The following RAPH1 variants were observed in gnomAD, a reference collection of about 807,000 sequenced individuals.
RAPH1 encodes ras-associated and pleckstrin homology domains-containing protein 1.
A neutral mutation model predicts 88.1 loss-of-function variants in RAPH1; 18 were observed. The observed-to-expected ratio is 0.20, with a 90% CI of 0.14 to 0.30. RAPH1 has a LOEUF of 0.30. Among genes scored for constraint, RAPH1 ranks in the 10% least tolerant of loss-of-function variants. The pLI is 1.00. For missense variants in RAPH1, 1,448 were observed against 1,543.2 expected, an observed-to-expected ratio of 0.94 and a Z score of 1.03; for synonymous variants, 587 against 559.0, an observed-to-expected ratio of 1.05 and a Z score of -0.71.
chr2:203,468,805 T>C (rs2098530723), intron 4 of RAPH1, among the ~76,000 whole-genome samples: 1 of 152,140 alleles, frequency 6.6e-6, no homozygotes, highest in Non-Finnish European at 1.5e-5. Flanking sequence ...AATAAAGAGC[T>C]AAGAGTGAGC....
chr2:203,530,454 C>T (rs1197521094), intron 1 of RAPH1, among the ~76,000 whole-genome samples: 1 of 152,192 alleles, frequency 6.6e-6, no homozygotes, highest in Non-Finnish European at 1.5e-5. Flanking sequence ...GTCCCATCTA[C>T]AGTCTTCAGG....
Position 203,444,865 on chromosome 2 carries a change from T to C in RAPH1, c.1776+3A>G, listed in dbSNP as rs1559447332. 18 of 1,611,898 alleles carry C rather than the reference T, an allele frequency of 1.1e-5. No homozygotes were observed. The highest frequency in any genetic ancestry group is 1.4e-5 in the Non-Finnish European group (16 of 1,179,438). On this transcript the variant is annotated splice_donor_region_variant and intron_variant, in intron 13 of 13. Transcript: ENST00000319170. ...TCAATGTAAATTAAAACGAAGCTGTTACCTTGCTGGACTCTTCCAACTGAG... is the reference window on the plus strand; with the variant it reads ...TCAATGTAAATTAAAACGAAGCTGTCACCTTGCTGGACTCTTCCAACTGAG...
rs558100191 is a variant in RAPH1 at position 203,444,463 on chromosome 2, AAGAC to A, written c.1776+401_1776+404del. On this transcript the variant is annotated intron_variant, in intron 13 of 13. Transcript: ENST00000319170. ...AAAAAAAAAAAAGGAAGAAGAAAAA[AAGAC>A]AGGAAAGAAGAGAGAGAACTGTAAA... The A allele has an allele frequency of 4.1e-4, 76 of 185,646 alleles. No homozygotes were observed. In the East Asian group the frequency reaches 6.1e-3, roughly 15 times the overall value. The allele number at this position is 185,646 out of a possible 1,614,324, so 11.5% of individuals were successfully genotyped here. A position where few individuals can be genotyped will look rare whatever the true frequency, so the allele number is the denominator to read the frequency against.
At position 203,439,418 on chromosome 2, in the gene RAPH1, A is replaced by G. The variant is rs1363282547; in HGVS notation, c.*19T>C. The stretch of plus-strand genomic sequence containing the variant: ...GTAGCAGTGATTACAGATATCATGA[A>G]AATAAAGTCCTATGGTGGCTACCAG... On this transcript the variant is annotated 3_prime_UTR_variant, in exon 14 of 14. Transcript: ENST00000319170. 8 of 1,605,232 alleles carry G rather than the reference A, an allele frequency of 5.0e-6. No homozygotes were observed. Among genetic ancestry groups the G allele is most frequent in the Non-Finnish European group, 6.8e-6 (8 of 1,173,404 alleles).
intron 4 of RAPH1, among the ~76,000 whole-genome samples, chr2:203,488,900 G>C (rs1002878669): frequency 1.3e-5 from 2 of 151,984 alleles, no homozygotes. Flanking sequence ...AAGGCGGTTG[G>C]ATCACCTGAG....
At chr2:203,454,010 G>A (rs962486977) in intron 10 of RAPH1, among the ~76,000 whole-genome samples, 3 of 152,076 alleles carry the variant, frequency 2.0e-5, no homozygotes, top group African/African-American at 7.2e-5. Context: ...AATTATTTCT[G>A]GACCAGATAA....
intron 10 of RAPH1, among the ~76,000 whole-genome samples, chr2:203,453,545 C>CAAAAAAAAAA (rs59304139): frequency 1.8e-4 from 5 of 28,272 alleles, no homozygotes; most frequent in African/African-American, 4.7e-4. Flanking sequence ...GACCCTGCCT[C>CAAAAAAAAAA]AAAAAAAAAA....
At chr2:203,524,415 C>T (rs907709433) in intron 1 of RAPH1, among the ~76,000 whole-genome samples, 26 of 152,138 alleles carry the variant, frequency 1.7e-4, no homozygotes, top group African/African-American at 6.3e-4. Flanking sequence ...AACACGTCCT[C>T]ATAGGTATTC....
chr2:203,440,537 G>C lies in RAPH1; in HGVS notation c.2653C>G (p.Pro885Ala), dbSNP rs1228791388. The C allele has an allele frequency of 6.5e-7, 1 of 1,542,848 alleles. No homozygotes were observed. The highest frequency in any genetic ancestry group is 2.3e-5 in the East Asian group (1 of 44,324). The change falls in exon 14 of 14, where the codon CCT (proline) becomes GCT (alanine). Residue 885 changes from proline to alanine, a missense_variant. Physicochemically the swap from Pro to Ala is conservative, Grantham distance 27 (BLOSUM62 -1). Coordinates refer to ENST00000319170, the MANE Select transcript of RAPH1 (RefSeq NM_213589.3). ...TGTGGAGCTACATTTGCTGGGACAG[G>C]CTTTAAGGGCTGAGATTCCATGGCA... ...PPAMESQPLKPVPANVAPQSP... is the reference protein window; with the variant it reads ...PPAMESQPLKAVPANVAPQSP...
chr2:203,482,014 A>G (rs1687752245), intron 4 of RAPH1, among the ~76,000 whole-genome samples: 1 of 151,728 alleles, frequency 6.6e-6, no homozygotes, highest in Non-Finnish European at 1.5e-5. Context: ...TGCAGAAAAA[A>G]AAAACACACA....
intron 4 of RAPH1, among the ~76,000 whole-genome samples, chr2:203,488,405 A>G (rs1336275905): frequency 1.3e-5 from 2 of 151,684 alleles, no homozygotes; most frequent in South Asian, 2.1e-4. Flanking sequence ...CCTGGCCAGC[A>G]TGGTGAAACC....
chr2:203,531,354 T>C (rs927758469), intron 1 of RAPH1, among the ~76,000 whole-genome samples: 1 of 152,060 alleles, frequency 6.6e-6, no homozygotes, highest in South Asian at 2.1e-4. Flanking sequence ...CGTATACCTA[T>C]GTAACAAACC....
chr2:203,437,884 T>G lies in RAPH1; in HGVS notation c.*1553A>C. 4.4e-6 allele frequency: 1 copy of G among 227,060 alleles called. No homozygotes were observed. The highest frequency in any genetic ancestry group is 5.8e-5 in the South Asian group (1 of 17,390). The allele number at this position is 227,060 out of a possible 1,614,324, so 14.1% of individuals were successfully genotyped here. On this transcript the variant is annotated 3_prime_UTR_variant, in exon 14 of 14. Coordinates refer to ENST00000319170, the MANE Select transcript of RAPH1 (RefSeq NM_213589.3). ...TTCATTACAAGATGTGCTCCCCTTA[T>G]AAGTGCTGGGATGGCCCATTTTTAT...
intron 1 of RAPH1, among the ~76,000 whole-genome samples, chr2:203,514,262 C>T (rs1689495274): frequency 6.6e-6 from 1 of 152,194 alleles, no homozygotes; most frequent in South Asian, 2.1e-4. Context: ...CAAAGACAGC[C>T]ACAGCTATCT....
chr2:203,493,489 C>A (rs1047879679), intron 2 of RAPH1, among the ~76,000 whole-genome samples: 1 of 152,200 alleles, frequency 6.6e-6, no homozygotes, highest in Non-Finnish European at 1.5e-5. Context: ...TTTGCTTCCT[C>A]TCTCTCCCAG....
At chr2:203,517,359 CAAAAAA>C (rs71408943) in intron 1 of RAPH1, among the ~76,000 whole-genome samples, 43 of 32,158 alleles carry the variant, frequency 1.3e-3, no homozygotes, top group African/African-American at 2.0e-3. Flanking sequence ...CTATGAGAGG[CAAAAAA>C]AAAAAAAAAA....
intron 1 of RAPH1, among the ~76,000 whole-genome samples, chr2:203,517,382 AAGAC>A (rs1329937186): frequency 1.8e-4 from 27 of 151,024 alleles, no homozygotes; most frequent in Non-Finnish European, 2.8e-4. Context: ...AAAAAAAAAA[AAGAC>A]AGAAAAGAAA....
In RAPH1 at chr2:203,461,408, G is replaced by A; in HGVS notation, c.811C>T (p.Leu271=). 6.3e-7 allele frequency: 1 copy of A among 1,589,862 alleles called. No individual in the cohort carries two copies. Among genetic ancestry groups the A allele is most frequent in the Non-Finnish European group, 8.6e-7 (1 of 1,169,084 alleles). ...EKIKEAQVKK[L]VIRVHMSDDS... ...TCAGACATGTGGACTCTGATCACCA[G>A]CTATAACAGGTAAAAAGAAAAGTAA... Residue 271 remains leucine, a splice_region_variant and synonymous_variant, in exon 6 of 14, where the codon CTG becomes TTG. Coordinates refer to ENST00000319170, the MANE Select transcript of RAPH1 (RefSeq NM_213589.3).
rs1279432358 is a variant in RAPH1, at chr2:203,436,422, C to T, written c.*3015G>A. The stretch of plus-strand genomic sequence containing the variant: ...AAGGGGGGGAAAGAAAGCATCTGAG[C>T]AGTAAAAGTCAAGCTGGTAAAATCC... On this transcript the variant is annotated 3_prime_UTR_variant, in exon 14 of 14. Coordinates refer to ENST00000319170, the MANE Select transcript of RAPH1 (RefSeq NM_213589.3). The T allele has an allele frequency of 2.0e-5, 3 of 152,124 alleles. No individual in the cohort carries two copies. The highest frequency in any genetic ancestry group is 2.0e-4 in the Admixed American group (3 of 15,270). 9.4% of individuals were successfully genotyped at this position (152,124 alleles called of 1,614,324 possible). A position where few individuals can be genotyped will look rare whatever the true frequency, so the allele number is the denominator to read the frequency against.
Sources: allele counts gnomAD v4.1 joint callset (sites outside exome capture counted in the v4.1 genomes callset), GRCh38; gene constraint gnomAD v4.1.1; transcripts MANE v1.5; gene names NCBI Gene and HGNC (gene_info 2026-07-23, HGNC 2026-07-21).